INPP4B: variants seen among roughly 807,000 people sequenced by gnomAD.
The protein encoded by INPP4B is inositol polyphosphate-4-phosphatase type II B.
Under a neutral mutation model 122.5 loss-of-function variants are expected in INPP4B, and 55 were observed. The observed-to-expected ratio is 0.45, with a 90% CI of 0.36 to 0.56. The LOEUF (loss-of-function observed/expected upper bound fraction) is 0.56. INPP4B is among the 20% of genes least tolerant of loss of function. The pLI, the probability that INPP4B is intolerant of heterozygous loss-of-function variation, is 0.00. For synonymous variants in INPP4B, 403 were observed against 388.7 expected (o/e 1.04, Z -0.43); for missense variants, 1,000 against 1,097.7 (o/e 0.91, Z 1.26).
intron 15 of INPP4B, among the ~76,000 whole-genome samples, chr4:142,180,112 G>T (rs1400699167): frequency 1.3e-5 from 2 of 152,184 alleles, no homozygotes; most frequent in East Asian, 3.9e-4. Context: ...AGGCATGAGA[G>T]ACTTTTTTGG....
Position 142,271,551 on chromosome 4 carries a change from G to A in INPP4B, c.504-777C>T, listed in dbSNP as rs1462668214. 2.6e-5 allele frequency among the ~76,000 whole-genome samples: 4 copies of A among 152,102 alleles called. No homozygotes were observed. In the East Asian group the frequency reaches 7.7e-4, roughly 29 times the overall value. ...GCTATTGGCTACAAAATCTGACTTT[G>A]TGCCTTTTCTCTAACATTTTTGTTT... On this transcript the variant is annotated intron_variant, in intron 9 of 25. Coordinates refer to ENST00000262992, the MANE Select transcript of INPP4B (RefSeq NM_001101669.3).
At chr4:142,744,368 G>T (rs966142885) in intron 1 of INPP4B, among the ~76,000 whole-genome samples, 1 of 151,738 alleles carries the variant, frequency 6.6e-6, no homozygotes, top group Non-Finnish European at 1.5e-5. Context: ...GAAAAAAATA[G>T]AATATAAAGT....
At chr4:142,102,531 A>G (rs1399380404) in intron 23 of INPP4B, among the ~76,000 whole-genome samples, 1 of 149,380 alleles carries the variant, frequency 6.7e-6, no homozygotes, top group Non-Finnish European at 1.5e-5. Flanking sequence ...CGTGAGAGAA[A>G]GTGTTGTATC....
At chr4:142,705,008 G>A (rs1294826729) in intron 2 of INPP4B, among the ~76,000 whole-genome samples, 4 of 152,068 alleles carry the variant, frequency 2.6e-5, no homozygotes, top group Non-Finnish European at 2.9e-5. Flanking sequence ...TTACAGAAAC[G>A]TTTACTCTTA....
intron 3 of INPP4B, among the ~76,000 whole-genome samples, chr4:142,456,861 G>C (rs1184148355): frequency 6.6e-6 from 1 of 151,884 alleles, no homozygotes; most frequent in African/African-American, 2.4e-5. Context: ...ACCATATATG[G>C]AAAGGCAAAG....
At chr4:142,325,817 T>C (rs1772136714) in intron 7 of INPP4B, among the ~76,000 whole-genome samples, 1 of 152,174 alleles carries the variant, frequency 6.6e-6, no homozygotes, top group Non-Finnish European at 1.5e-5. Flanking sequence ...GTTCTTTAGG[T>C]TAATAGTGAC....
intron 1 of INPP4B, among the ~76,000 whole-genome samples, chr4:142,773,524 A>G (rs1378619412): frequency 2.0e-5 from 3 of 152,202 alleles, no homozygotes; most frequent in Admixed American, 6.5e-5. Context: ...ATACTAGGAT[A>G]TTTCTTGATG....
intron 1 of INPP4B, among the ~76,000 whole-genome samples, chr4:142,837,893 T>C (rs576537872): frequency 6.6e-6 from 1 of 152,088 alleles, no homozygotes; most frequent in Non-Finnish European, 1.5e-5. Flanking sequence ...AAAATATCCA[T>C]CACAGTGTGA....
chr4:142,225,955 A>G (rs1303451309), intron 12 of INPP4B, among the ~76,000 whole-genome samples: 1 of 152,174 alleles, frequency 6.6e-6, no homozygotes. Context: ...ACATGATATA[A>G]CAAAACATTG....
At chr4:142,082,715 G>A (rs1045930876) in intron 24 of INPP4B, among the ~76,000 whole-genome samples, 2 of 152,172 alleles carry the variant, frequency 1.3e-5, no homozygotes, top group Non-Finnish European at 2.9e-5. Context: ...CAACAGACAA[G>A]GGAACTACTC....
chr4:142,570,703 C>A (rs564773079), intron 2 of INPP4B, among the ~76,000 whole-genome samples: 1 of 151,680 alleles, frequency 6.6e-6, no homozygotes, highest in East Asian at 1.9e-4. Context: ...TTTCAAATAA[C>A]AAAATGCTTT....
intron 3 of INPP4B, among the ~76,000 whole-genome samples, chr4:142,445,220 G>A (rs2149469222): frequency 6.6e-6 from 1 of 151,880 alleles, no homozygotes; most frequent in Non-Finnish European, 1.5e-5. Context: ...TAAACACAAA[G>A]AGTGAAAAAG....
intron 4 of INPP4B, 26 bp downstream of exon 4, chr4:142,431,125 GCATCTTTAGATGCAAAAA>G: frequency 6.9e-7 from 1 of 1,446,892 alleles, no homozygotes. Context: ...GGCCCAATTT[GCATCTTTAGATGCAAAAA>G]CAGGGAGGGA....
intron 11 of INPP4B, among the ~76,000 whole-genome samples, chr4:142,254,336 G>A (rs1266663502): frequency 3.2e-5 from 4 of 126,702 alleles, no homozygotes; most frequent in Admixed American, 8.6e-5. Flanking sequence ...CACCAGCAAC[G>A]GAACAAAGCT....
At chr4:142,804,693 G>T (rs574685727) in intron 1 of INPP4B, among the ~76,000 whole-genome samples, 1 of 152,242 alleles carries the variant, frequency 6.6e-6, no homozygotes, top group East Asian at 1.9e-4. Flanking sequence ...TTGAGACATG[G>T]TCTCACTCTG....
intron 2 of INPP4B, among the ~76,000 whole-genome samples, chr4:142,605,945 C>T (rs1741153134): frequency 6.6e-6 from 1 of 151,982 alleles, no homozygotes; most frequent in Non-Finnish European, 1.5e-5. Flanking sequence ...CCTGTACTTA[C>T]ATGTTTATTG....
intron 11 of INPP4B, among the ~76,000 whole-genome samples, chr4:142,253,540 G>A (rs1036268360): frequency 1.1e-4 from 17 of 152,212 alleles, no homozygotes; most frequent in African/African-American, 2.7e-4. Flanking sequence ...TGCCTCACTC[G>A]GGAAGTGCAA....
At chr4:142,701,306 G>C (rs1257272535) in intron 2 of INPP4B, among the ~76,000 whole-genome samples, 1 of 152,038 alleles carries the variant, frequency 6.6e-6, no homozygotes, top group Non-Finnish European at 1.5e-5. Flanking sequence ...TCCACAGTAG[G>C]AGATGCCCCA....
chr4:142,302,047 A>G (rs3775686), intron 9 of INPP4B, among the ~76,000 whole-genome samples: 32,612 of 152,090 alleles, frequency 0.21, 4,579 homozygotes, highest in African/African-American at 0.4. Flanking sequence ...CAAAAATTAC[A>G]TCAGGTTGGT....
Sources: allele counts gnomAD v4.1 joint callset (sites outside exome capture counted in the v4.1 genomes callset), GRCh38; gene constraint gnomAD v4.1.1; transcripts MANE v1.5; gene names NCBI Gene and HGNC (gene_info 2026-07-23, HGNC 2026-07-21).